Variants in PTPRK observed in about 807,000 individuals in gnomAD.
The protein encoded by PTPRK is receptor-type tyrosine-protein phosphatase kappa.
A neutral mutation model predicts 178.0 loss-of-function variants in PTPRK; 75 were observed. That is an observed-to-expected ratio of 0.42 (90% CI 0.35 to 0.51). PTPRK has a LOEUF of 0.51. PTPRK is among the 20% of genes least tolerant of loss of function. PTPRK has a pLI of 0.02. For missense variants in PTPRK, 1,441 were observed against 1,797.8 expected (o/e 0.80, Z 3.59); for synonymous variants, 637 against 620.6 (o/e 1.03, Z -0.39).
At chr6:128,313,943 A>G (rs1827622951) in intron 3 of PTPRK, among the ~76,000 whole-genome samples, 2 of 152,186 alleles carry the variant, frequency 1.3e-5, no homozygotes, top group African/African-American at 4.8e-5. Context: ...TTCTTTCCTC[A>G]GATTGCAAAG....
chr6:128,045,706 T>C (rs1207113417), intron 13 of PTPRK, among the ~76,000 whole-genome samples: 1 of 152,098 alleles, frequency 6.6e-6, no homozygotes, highest in Admixed American at 6.6e-5. Flanking sequence ...TGAATAACAA[T>C]ATTAATTAAT....
intron 3 of PTPRK, among the ~76,000 whole-genome samples, chr6:128,299,757 A>C (rs1825228369): frequency 2.0e-5 from 3 of 152,192 alleles, no homozygotes; most frequent in Admixed American, 1.3e-4. Context: ...TAGACCTAAA[A>C]CCATAAAAAC....
chr6:128,024,782 C>T (rs1366287507), intron 13 of PTPRK, among the ~76,000 whole-genome samples: 1 of 152,150 alleles, frequency 6.6e-6, no homozygotes, highest in East Asian at 1.9e-4. Flanking sequence ...TGCACTCCAG[C>T]CTGAGTAACA....
chr6:128,012,985 T>C (rs79330002), intron 13 of PTPRK, among the ~76,000 whole-genome samples: 2 of 151,452 alleles, frequency 1.3e-5, no homozygotes, highest in East Asian at 3.9e-4. Flanking sequence ...TTCTTTAAAA[T>C]CCTACCGGCA....
chr6:128,030,062 G>A (rs117475116), intron 13 of PTPRK, among the ~76,000 whole-genome samples: 13 of 152,302 alleles, frequency 8.5e-5, no homozygotes, highest in Non-Finnish European at 1.8e-4. Flanking sequence ...TTGCCCCAGA[G>A]TTGACCTAAT....
At chr6:128,119,998 T>G (rs1359271819) in intron 7 of PTPRK, among the ~76,000 whole-genome samples, 1 of 151,948 alleles carries the variant, frequency 6.6e-6, no homozygotes, top group Non-Finnish European at 1.5e-5. Flanking sequence ...TCTCAGTGTT[T>G]CAGGAAGAAG....
chr6:128,390,735 G>A (rs1379313070), intron 2 of PTPRK, among the ~76,000 whole-genome samples: 8 of 152,076 alleles, frequency 5.3e-5, no homozygotes, highest in Non-Finnish European at 2.9e-5. Context: ...GTCTCTGGTA[G>A]ATATGCTGTT....
chr6:128,098,722 C>T (rs931256761), intron 7 of PTPRK, among the ~76,000 whole-genome samples: 1 of 152,102 alleles, frequency 6.6e-6, no homozygotes, highest in Non-Finnish European at 1.5e-5. Context: ...GATATCTACA[C>T]TAAAATAGTA....
chr6:128,431,149 T>C (rs1356876538), intron 1 of PTPRK, among the ~76,000 whole-genome samples: 1 of 151,820 alleles, frequency 6.6e-6, no homozygotes, highest in Non-Finnish European at 1.5e-5. Context: ...TGTTGGCCAG[T>C]CTGGTCTCTA....
intron 7 of PTPRK, among the ~76,000 whole-genome samples, chr6:128,180,458 C>T (rs956441911): frequency 1.3e-5 from 2 of 152,050 alleles, no homozygotes; most frequent in Admixed American, 6.6e-5. Flanking sequence ...AATAATCATA[C>T]CCCTCAGGTT....
At chr6:128,142,031 A>T (rs562767641) in intron 7 of PTPRK, among the ~76,000 whole-genome samples, 2 of 152,048 alleles carry the variant, frequency 1.3e-5, no homozygotes, top group South Asian at 4.1e-4. Flanking sequence ...CCTTAAACAC[A>T]TATTATACAT....
chr6:128,225,251 T>C (rs576368349), intron 5 of PTPRK, among the ~76,000 whole-genome samples: 7 of 152,292 alleles, frequency 4.6e-5, no homozygotes, highest in African/African-American at 1.7e-4. Context: ...TCATATGTCA[T>C]TGACATAATG....
chr6:128,052,091 C>T (rs1381782290), intron 13 of PTPRK, among the ~76,000 whole-genome samples: 1 of 152,136 alleles, frequency 6.6e-6, no homozygotes, highest in Non-Finnish European at 1.5e-5. Flanking sequence ...CACTCATCTG[C>T]TCCCCATATT....
chr6:128,133,027 C>G (rs1447819732), intron 7 of PTPRK, among the ~76,000 whole-genome samples: 3 of 152,154 alleles, frequency 2.0e-5, no homozygotes, highest in Non-Finnish European at 2.9e-5. Context: ...CTAACAAAAA[C>G]TCATTAGTCA....
intron 1 of PTPRK, among the ~76,000 whole-genome samples, chr6:128,515,075 T>G (rs1212248707): frequency 6.6e-6 from 1 of 152,236 alleles, no homozygotes; most frequent in Non-Finnish European, 1.5e-5. Flanking sequence ...GAGTTCACAC[T>G]GATATCAAAC....
At position 128,020,686 on chromosome 6, in the gene PTPRK, T is replaced by C. The variant is rs935133892; in HGVS notation, c.2195-11418A>G. Among the ~76,000 whole-genome samples the C allele has an allele frequency of 7.2e-5, 11 of 152,168 alleles. 1 individual carries two copies. Among genetic ancestry groups the C allele is most frequent in the Admixed American group, 6.5e-4 (10 of 15,276 alleles). On this transcript the variant is annotated intron_variant, in intron 13 of 29. Transcript: ENST00000368226. Reference sequence around the variant, plus strand: ...AGAAATAGAAAACAAATAAAACCTTTACTAGTGCTCAAATTATAAGAACGT... The same window carrying C: ...AGAAATAGAAAACAAATAAAACCTTCACTAGTGCTCAAATTATAAGAACGT...
At chr6:128,281,602 A>G (rs1383927765) in intron 3 of PTPRK, among the ~76,000 whole-genome samples, 2 of 152,092 alleles carry the variant, frequency 1.3e-5, no homozygotes, top group Non-Finnish European at 2.9e-5. Context: ...GACTGTATAC[A>G]TATTTTGTTA....
At position 127,981,183 on chromosome 6, in the gene PTPRK, C is replaced by T. The variant is rs1378019873; in HGVS notation, c.3644G>A (p.Arg1215Lys). 6.2e-7 allele frequency: 1 copy of T among 1,613,896 alleles called. No individual in the cohort carries two copies. The highest frequency in any genetic ancestry group is 2.2e-5 in the East Asian group (1 of 44,846). ...AATTGTAATTAAAAAAGGCAGACAT[C>T]TGTCAGGTGGCAGCATGTCCATGAA... ...NRFMDMLPPD[R>K]CLPFLITIDG... is the part of the protein sequence containing the mutation. Residue 1215 changes from arginine to lysine, a missense_variant, in exon 25 of 30, where the codon AGA (arginine) becomes AAA (lysine). By Grantham distance (26) the Arg-to-Lys change is conservative (BLOSUM62 2). Around this residue, in one of 4 missense-constraint regions of PTPRK, gnomAD observed 335 missense variants for 512.4 expected, o/e 0.65. Transcript: ENST00000368226.
At chr6:128,230,717 C>G (rs1277321616) in intron 5 of PTPRK, 1 of 152,126 alleles carries the variant, frequency 6.6e-6, no homozygotes, top group East Asian at 1.9e-4. Context: ...TTACAAAGTG[C>G]TTGACGTGAC....
Sources: gnomAD v4.1 joint callset for allele counts (sites outside exome capture counted in the v4.1 genomes callset) on GRCh38, gnomAD v4.1.1 for gene constraint, gnomAD v4.1.1 regional missense constraint, MANE v1.5 for transcripts, NCBI Gene and HGNC (gene_info 2026-07-23, HGNC 2026-07-21) for gene names.